The following INPP5F variants were observed in gnomAD, a reference collection of about 807,000 sequenced individuals.
INPP5F encodes phosphatidylinositide 4-phosphatase SAC2.
INPP5F carries 97 observed loss-of-function variants against 137.2 expected under a neutral mutation model. The ratio of observed to expected loss-of-function variants is 0.71; its 90% CI spans 0.60 to 0.84. The LOEUF is 0.84. Ranked by LOEUF, INPP5F falls within the 40% of genes least tolerant of loss-of-function variation. INPP5F has a pLI of 0.00. For missense variants in INPP5F, 1,271 were observed against 1,371.9 expected (o/e 0.93, Z 1.16); for synonymous variants, 504 against 476.9 (o/e 1.06, Z -0.74).
intron 6 of INPP5F, among the ~76,000 whole-genome samples, chr10:119,796,248 A>G (rs935307519): frequency 6.6e-6 from 1 of 152,256 alleles, no homozygotes; most frequent in African/African-American, 2.4e-5. Context: ...TATGTGTTTT[A>G]TAATAAAGTG....
At chr10:119,814,196 C>T (rs191321508) in intron 15 of INPP5F, among the ~76,000 whole-genome samples, 1 of 152,114 alleles carries the variant, frequency 6.6e-6, no homozygotes, top group African/African-American at 2.4e-5. Flanking sequence ...TCGAGACCAG[C>T]CTGACCAACA....
chr10:119,806,909 T>C lies in INPP5F; in HGVS notation c.1440+429T>C, dbSNP rs554847217. 1.8e-3 allele frequency among the ~76,000 whole-genome samples: 271 copies of C among 152,024 alleles called. 1 individual carries two copies. Among genetic ancestry groups the C allele is most frequent in the Non-Finnish European group, 3.1e-3 (214 of 67,986 alleles). ...ACACAGGTGAAGGAGCCTGTGTCTT[T>C]TTCTTCCTCCTGTCTCATGGGCTTC... On this transcript the variant is annotated intron_variant, in intron 12 of 19. Transcript: ENST00000650623.
At position 119,752,401 on chromosome 10, in the gene INPP5F, A is replaced by G. The variant is rs186081937; in HGVS notation, c.178+1245A>G. ...GGAGTTTGAGACTGGCCTGACCAACATGGAGAAACCCTGTCTCTACTAAAA... is the reference window on the plus strand; with the variant it reads ...GGAGTTTGAGACTGGCCTGACCAACGTGGAGAAACCCTGTCTCTACTAAAA... On this transcript the variant is annotated intron_variant, in intron 2 of 19. Coordinates refer to ENST00000650623, the MANE Select transcript of INPP5F (RefSeq NM_014937.4). 4.8e-3 allele frequency among the ~76,000 whole-genome samples: 738 copies of G among 152,216 alleles called. 7 individuals carry two copies. The highest frequency in any genetic ancestry group is 0.017 in the African/African-American group (694 of 41,544).
At chr10:119,765,865 C>CTATATATATATATATATA (rs551639582) in intron 2 of INPP5F, among the ~76,000 whole-genome samples, 5 of 29,882 alleles carry the variant, frequency 1.7e-4, no homozygotes, top group African/African-American at 3.4e-4. Context: ...ACACTATATA[C>CTATATATATATATATATA]TATATATATA....
At chr10:119,813,561 G>A (rs1263938291) in intron 15 of INPP5F, among the ~76,000 whole-genome samples, 1 of 152,054 alleles carries the variant, frequency 6.6e-6, no homozygotes, top group African/African-American at 2.4e-5. Context: ...GGCATTTGAG[G>A]CTGCAGTGAG....
chr10:119,819,550 A>C, intron 15 of INPP5F: 1 of 1,591,114 alleles, frequency 6.3e-7, no homozygotes, highest in Non-Finnish European at 8.6e-7. Flanking sequence ...GTAAGTATCA[A>C]CGCGTAAAAC....
chr10:119,825,661 C>T (rs17099327), intron 19 of INPP5F, among the ~76,000 whole-genome samples: 8,335 of 152,266 alleles, frequency 0.055, 426 homozygotes, highest in South Asian at 0.27. Context: ...GTTTTAAACA[C>T]TAGGCTTTTG....
At chr10:119,813,406 G>A (rs1400250391) in intron 15 of INPP5F, among the ~76,000 whole-genome samples, 6 of 152,024 alleles carry the variant, frequency 3.9e-5, no homozygotes, top group Non-Finnish European at 7.4e-5. Flanking sequence ...CAGCACTTTG[G>A]GAGGCCAAGG....
At chr10:119,762,850 A>T (rs780056271) in intron 2 of INPP5F, among the ~76,000 whole-genome samples, 2 of 152,196 alleles carry the variant, frequency 1.3e-5, no homozygotes, top group African/African-American at 4.8e-5. Context: ...CCCTAAATGT[A>T]TGCTCTTCTC....
intron 3 of INPP5F, among the ~76,000 whole-genome samples, chr10:119,788,942 T>C (rs539474997): frequency 7.2e-5 from 11 of 152,288 alleles, no homozygotes; most frequent in Admixed American, 3.9e-4. Context: ...AATGATTTTG[T>C]TGGCCGGGCG....
In INPP5F at chr10:119,825,921, A is replaced by T. The variant is rs923404990; in HGVS notation, c.2250-710A>T. On this transcript the variant is annotated intron_variant, in intron 19 of 19. Coordinates refer to ENST00000650623, the MANE Select transcript of INPP5F (RefSeq NM_014937.4). ...TGCACACACTGAGACATTTGTGGCA[A>T]ATAGCATCAACTTTTCTTTCTTATT... The T allele has an allele frequency of 2.2e-4, 88 of 398,520 alleles. 1 individual carries two copies. Among genetic ancestry groups the T allele is most frequent in the African/African-American group, 1.7e-3 (84 of 48,752 alleles). 24.7% of individuals were successfully genotyped at this position (398,520 alleles called of 1,614,324 possible).
intron 13 of INPP5F, among the ~76,000 whole-genome samples, chr10:119,809,133 G>A (rs1186342208): frequency 1.3e-5 from 2 of 150,880 alleles, no homozygotes; most frequent in African/African-American, 2.4e-5. Flanking sequence ...TGGCTGAGGT[G>A]TGAGAATCAC....
intron 1 of INPP5F, among the ~76,000 whole-genome samples, chr10:119,746,147 A>G (rs1317540776): frequency 1.3e-5 from 2 of 152,172 alleles, no homozygotes; most frequent in African/African-American, 2.4e-5. Context: ...TTAACGTGAT[A>G]CAGTGTCTGG....
At chr10:119,805,234 C>T in intron 10 of INPP5F, 150 bp from the exon 11 acceptor site, 1 of 579,270 alleles carries the variant, frequency 1.7e-6, no homozygotes, top group Non-Finnish European at 3.0e-6. Context: ...TACCTAATTG[C>T]CTATATAATA....
At chr10:119,794,444 C>T (rs61867937) in intron 6 of INPP5F, among the ~76,000 whole-genome samples, 9,606 of 151,642 alleles carry the variant, frequency 0.063, 375 homozygotes, top group South Asian at 0.24. Flanking sequence ...CGGCAACCAT[C>T]CGATTTCTCA....
At chr10:119,762,238 C>G (rs1849030849) in intron 2 of INPP5F, among the ~76,000 whole-genome samples, 1 of 152,164 alleles carries the variant, frequency 6.6e-6, no homozygotes, top group African/African-American at 2.4e-5. Flanking sequence ...GGCTTGTAAA[C>G]AACAGAAATG....
chr10:119,795,679 G>A (rs1216110053), intron 6 of INPP5F, among the ~76,000 whole-genome samples: 4 of 151,998 alleles, frequency 2.6e-5, no homozygotes, highest in African/African-American at 4.8e-5. Flanking sequence ...ACGGGGTGGC[G>A]GCCGGGCAGA....
chr10:119,803,728 A>C (rs1055862403), intron 9 of INPP5F, among the ~76,000 whole-genome samples: 14 of 152,300 alleles, frequency 9.2e-5, no homozygotes, highest in African/African-American at 3.4e-4. Context: ...ACAATATTGA[A>C]TCTTGCTGCC....
At chr10:119,729,953 T>C (rs1446396818) in intron 1 of INPP5F, among the ~76,000 whole-genome samples, 1 of 152,006 alleles carries the variant, frequency 6.6e-6, no homozygotes, top group Non-Finnish European at 1.5e-5. Flanking sequence ...TTCAGGTTTT[T>C]TTTCTCCTAG....
Sources: gnomAD v4.1 joint callset for allele counts (sites outside exome capture counted in the v4.1 genomes callset) on GRCh38, gnomAD v4.1.1 for gene constraint, MANE v1.5 for transcripts, NCBI Gene and HGNC (gene_info 2026-07-23, HGNC 2026-07-21) for gene names.